ACAP2: variants seen among roughly 807,000 people sequenced by gnomAD.
ACAP2 encodes arf-GAP with coiled-coil, ANK repeat and PH domain-containing protein 2.
Under a neutral mutation model 115.8 loss-of-function variants are expected in ACAP2, and 39 were observed. The ratio of observed to expected loss-of-function variants is 0.34; its 90% confidence interval spans 0.26 to 0.44. The LOEUF is 0.44. ACAP2 is among the 20% of genes least tolerant of loss of function. The pLI, the probability that ACAP2 is intolerant of heterozygous loss-of-function variation, is 1.00. For synonymous variants in ACAP2, 289 were observed against 315.8 expected, an observed-to-expected ratio of 0.92 and a Z score of 0.90; for missense variants, 662 against 927.6, an observed-to-expected ratio of 0.71 and a Z score of 3.72.
At chr3:195,298,850 T>C (rs1159314809) in intron 15 of ACAP2, among the ~76,000 whole-genome samples, 2 of 151,982 alleles carry the variant, frequency 1.3e-5, no homozygotes, top group East Asian at 3.9e-4. Context: ...AGGCTGGTCT[T>C]GAACTCCGGA....
chr3:195,393,618 G>GT (rs1295664158), intron 1 of ACAP2, among the ~76,000 whole-genome samples: 1 of 152,130 alleles, frequency 6.6e-6, no homozygotes, highest in East Asian at 1.9e-4. Flanking sequence ...ACTATGCATT[G>GT]TCCCCTTAAC....
At chr3:195,330,841 A>G (rs940946257) in intron 8 of ACAP2, among the ~76,000 whole-genome samples, 22 of 138,196 alleles carry the variant, frequency 1.6e-4, no homozygotes, top group Middle Eastern at 6.9e-3. Context: ...TTTCTAGGAA[A>G]TGTGCTTAGA....
chr3:195,291,901 G>A (rs79097081), intron 19 of ACAP2, 86 bp from the exon 20 acceptor site: 12,337 of 1,152,430 alleles, frequency 0.011, 81 homozygotes, highest in Middle Eastern at 0.013. Flanking sequence ...ATTGGTTTTC[G>A]TTACTCAAAT....
At chr3:195,379,626 CTA>C (rs1733814570) in intron 4 of ACAP2, among the ~76,000 whole-genome samples, 1 of 152,100 alleles carries the variant, frequency 6.6e-6, no homozygotes, top group Non-Finnish European at 1.5e-5. Flanking sequence ...GACCTCATCT[CTA>C]CCAAAAACAA....
At chr3:195,314,107 T>C (rs1343127381) in intron 10 of ACAP2, among the ~76,000 whole-genome samples, 2 of 152,174 alleles carry the variant, frequency 1.3e-5, no homozygotes, top group African/African-American at 4.8e-5. Context: ...TGAAATACAC[T>C]TGTAATTTAT....
intron 4 of ACAP2, among the ~76,000 whole-genome samples, chr3:195,374,884 C>A (rs1047741224): frequency 2.0e-5 from 3 of 151,712 alleles, no homozygotes; most frequent in African/African-American, 7.3e-5. Flanking sequence ...TTGAAGCAAG[C>A]TCAGCCTTAT....
chr3:195,295,347 G>T, intron 17 of ACAP2: 2 of 1,170,420 alleles, frequency 1.7e-6, no homozygotes, highest in Non-Finnish European at 2.3e-6. Flanking sequence ...CATAAGAAGG[G>T]AAAAGGGCAG....
chr3:195,288,584 G>A lies in ACAP2; in HGVS notation c.2174+537C>T, dbSNP rs374375022. On this transcript the variant is annotated intron_variant, in intron 21 of 22. Transcript: ENST00000326793. ...TTAAAATACAAATAATCGGCCAGGC[G>A]CGGTGGCTCACACCTGTAATCCCAG... Among the ~76,000 whole-genome samples the A allele has an allele frequency of 1.3e-4, 20 of 152,270 alleles. No individual in the cohort carries two copies. The East Asian group carries it at 2.7e-3, about 21-fold the overall frequency.
chr3:195,356,248 G>A (rs372729801), intron 4 of ACAP2: 8 of 454,140 alleles, frequency 1.8e-5, no homozygotes, highest in East Asian at 7.0e-5. Flanking sequence ...TGCCAATCCC[G>A]GCAGAACTCA....
In ACAP2 at chr3:195,295,711, A is replaced by G. The variant is rs778614539; in HGVS notation, c.1669T>C (p.Ser557Pro). 6.2e-7 allele frequency: 1 copy of G among 1,614,106 alleles called. No individual in the cohort carries two copies. Among genetic ancestry groups the G allele is most frequent in the South Asian group, 1.1e-5 (1 of 91,086 alleles). The change falls in exon 17 of 23, where the codon TCA becomes CCA. Residue 557 changes from serine (S) to proline (P), a missense_variant. Ser to Pro is a moderately conservative substitution (Grantham distance 74). Around this residue, in one of 3 missense-constraint regions of ACAP2, gnomAD observed 133 missense variants for 123.1 expected, o/e 1.08. Transcript: ENST00000326793. ...ACAGTAAGAAAGTTTGCCATACCTG[A>G]ACTTTGGGCAGATGCTCTGACTTGG... ...GDQVRASAQS[S>P]VRSNDSGIQQ... is the part of the protein sequence containing the mutation.
At chr3:195,383,701 A>G (rs1734100105) in intron 2 of ACAP2, among the ~76,000 whole-genome samples, 1 of 152,148 alleles carries the variant, frequency 6.6e-6, no homozygotes, top group African/African-American at 2.4e-5. Context: ...AAACACAGTC[A>G]AAAGAAACAA....
intron 4 of ACAP2, among the ~76,000 whole-genome samples, chr3:195,370,020 C>T (rs1245773457): frequency 6.6e-6 from 1 of 152,178 alleles, no homozygotes; most frequent in Non-Finnish European, 1.5e-5. Context: ...TGATACTCAA[C>T]ATTTCTTCAC....
intron 1 of ACAP2, among the ~76,000 whole-genome samples, chr3:195,430,191 T>C (rs559342698): frequency 6.6e-6 from 1 of 152,310 alleles, no homozygotes; most frequent in Non-Finnish European, 1.5e-5. Context: ...GGAGGGAATT[T>C]ACTTGATAAA....
rs540638157 is a variant in ACAP2, at chr3:195,362,215, C to G, written c.286-16898G>C. Among the ~76,000 whole-genome samples the G allele has an allele frequency of 4.0e-5, 6 of 151,500 alleles. No homozygotes were observed. In the South Asian group the frequency reaches 1.3e-3, roughly 32 times the overall value. On this transcript the variant is annotated intron_variant, in intron 4 of 22. Coordinates refer to ENST00000326793, the MANE Select transcript of ACAP2 (RefSeq NM_012287.6). ...CCTGTAATCCCAGCTACTCAGGAGG[C>G]TGAGGCAGGAGAATTGATTGAACCT...
chr3:195,418,252 C>A (rs1713900828), intron 1 of ACAP2, among the ~76,000 whole-genome samples: 1 of 152,170 alleles, frequency 6.6e-6, no homozygotes, highest in African/African-American at 2.4e-5. Flanking sequence ...AGGTCTTTCT[C>A]ATCCTCTCCC....
At chr3:195,430,046 A>G (rs1392314592) in intron 1 of ACAP2, among the ~76,000 whole-genome samples, 1 of 152,198 alleles carries the variant, frequency 6.6e-6, no homozygotes, top group Non-Finnish European at 1.5e-5. Context: ...AATGCCAGGA[A>G]AGCAACAAAT....
At chr3:195,326,446 C>A (rs77625552) in intron 9 of ACAP2, 2 of 153,648 alleles carry the variant, frequency 1.3e-5, no homozygotes, top group African/African-American at 4.8e-5. Context: ...AGAGGAAAGG[C>A]TGCCTTGCAG....
intron 1 of ACAP2, among the ~76,000 whole-genome samples, chr3:195,432,675 A>C (rs1715226845): frequency 6.6e-6 from 1 of 152,180 alleles, no homozygotes; most frequent in Admixed American, 6.5e-5. Context: ...TGGGTTACTT[A>C]TATTTCCACA....
chr3:195,378,317 C>G (rs1028520296), intron 4 of ACAP2, among the ~76,000 whole-genome samples: 1 of 151,644 alleles, frequency 6.6e-6, no homozygotes, highest in Non-Finnish European at 1.5e-5. Context: ...ATGTTGAAAC[C>G]CCGTCTCTAC....
Sources: allele counts gnomAD v4.1 joint callset (sites outside exome capture counted in the v4.1 genomes callset), GRCh38; gene constraint gnomAD v4.1.1; regional missense constraint gnomAD v4.1.1; transcripts MANE v1.5; gene names NCBI Gene and HGNC (gene_info 2026-07-23, HGNC 2026-07-21).